KANK2: variants seen among roughly 807,000 people sequenced by gnomAD.
KANK2 encodes KN motif and ankyrin repeat domains 2.
Under a neutral mutation model 74.6 loss-of-function variants are expected in KANK2, and 41 were observed. That is an observed-to-expected ratio of 0.55 (90% confidence interval 0.43 to 0.71). The LOEUF is 0.71. Among genes scored for constraint, KANK2 ranks in the 30% least tolerant of loss-of-function variants. KANK2 has a pLI of 0.00. For synonymous variants in KANK2, 537 were observed against 519.0 expected, an observed-to-expected ratio of 1.03 and a Z score of -0.47; for missense variants, 1,148 against 1,196.4, an observed-to-expected ratio of 0.96 and a Z score of 0.60.
intron 4 of KANK2, among the ~76,000 whole-genome samples, chr19:11,191,771 C>T (rs2078853821): frequency 6.6e-6 from 1 of 152,172 alleles, no homozygotes; most frequent in African/African-American, 2.4e-5. Flanking sequence ...GATATCTGAG[C>T]ACTGAGGCCA....
In KANK2 at chr19:11,176,568, G is replaced by A; in HGVS notation, c.1760+10C>T. The A allele has an allele frequency of 1.3e-6, 2 of 1,566,184 alleles. No individual in the cohort carries two copies. Among genetic ancestry groups the A allele is most frequent in the Non-Finnish European group, 1.7e-6 (2 of 1,152,102 alleles). On this transcript the variant is annotated intron_variant, in intron 7 of 12. Coordinates refer to ENST00000586659, the MANE Select transcript of KANK2 (RefSeq NM_001136191.3). ...GCCCTGCCTGAATCCCTCCTACCCAGAAAACTGACCTGATCTCCTCCTCCG... is the reference window on the plus strand; with the variant it reads ...GCCCTGCCTGAATCCCTCCTACCCAAAAAACTGACCTGATCTCCTCCTCCG...
chr19:11,178,288 G>A, intron 6 of KANK2, 57 bp downstream of exon 6: 1 of 1,167,576 alleles, frequency 8.6e-7, no homozygotes, highest in Non-Finnish European at 1.1e-6. Context: ...CTCGTGCGTG[G>A]ATGAATGGAG....
intron 4 of KANK2, among the ~76,000 whole-genome samples, chr19:11,184,289 T>C (rs1433238266): frequency 6.7e-6 from 1 of 149,858 alleles, no homozygotes; most frequent in African/African-American, 2.5e-5. Context: ...GGCAGGAGAA[T>C]TGCTTGAACC....
chr19:11,179,502 T>TG, intron 4 of KANK2, among the ~76,000 whole-genome samples: 2 of 134,920 alleles, frequency 1.5e-5, no homozygotes, highest in East Asian at 2.3e-4. Context: ...CTGGGCGTGG[T>TG]GGGGGGATGC....
At position 11,174,726 on chromosome 19, in the gene KANK2, G is replaced by A. The variant is rs111707782; in HGVS notation, c.1849-34C>T. The A allele has an allele frequency of 2.8e-5, 43 of 1,524,234 alleles. No homozygotes were observed. The African/African-American group carries it at 3.8e-4, about 14-fold the overall frequency. The allele number at this position is 1,524,234 out of a possible 1,614,324, so 94.4% of individuals were successfully genotyped here. ...GAGTCAGGTGGGAGAGGATGTGAGGGCGGGGGAGGCCCACTGGGACACCCC... is the reference window on the plus strand; with the variant it reads ...GAGTCAGGTGGGAGAGGATGTGAGGACGGGGGAGGCCCACTGGGACACCCC... On this transcript the variant is annotated intron_variant, in intron 8 of 12. Coordinates refer to ENST00000586659, the MANE Select transcript of KANK2 (RefSeq NM_001136191.3).
At chr19:11,187,336 T>C (rs1261161402) in intron 4 of KANK2, among the ~76,000 whole-genome samples, 1 of 150,682 alleles carries the variant, frequency 6.6e-6, no homozygotes, top group African/African-American at 2.4e-5. Flanking sequence ...AGTTCAAAAA[T>C]AGTGTAAGGA....
At chr19:11,195,338 C>G (rs533016519) in intron 2 of KANK2, 15 of 152,310 alleles carry the variant, frequency 9.8e-5, no homozygotes, top group African/African-American at 3.6e-4. Context: ...GAGGGGGCGC[C>G]TGGAGGCTGC....
Position 11,192,338 on chromosome 19 carries a change from TCTC to T in KANK2, c.1249+490_1249+492del, listed in dbSNP as rs573268277. Reference sequence around the variant, plus strand: ...CAGCCCTGAGGGTTGGCTGCACAATTCTCCTCCTTTTGTGGATGATAAGACAGA... The same window carrying T: ...CAGCCCTGAGGGTTGGCTGCACAATTCTCCTTTTGTGGATGATAAGACAGA... On this transcript the variant is annotated intron_variant, in intron 4 of 12. Transcript: ENST00000586659. The T allele has an allele frequency of 3.6e-4, 65 of 180,934 alleles. 2 individuals carry two copies. In the South Asian group the frequency reaches 5.1e-3, roughly 14 times the overall value. 11.2% of individuals were successfully genotyped at this position (180,934 alleles called of 1,614,324 possible).
chr19:11,181,227 T>C (rs1245666181), intron 4 of KANK2, among the ~76,000 whole-genome samples: 1 of 147,392 alleles, frequency 6.8e-6, no homozygotes, highest in Non-Finnish European at 1.5e-5. Context: ...TTCCCTAGAG[T>C]TGTCAAGATT....
At position 11,178,584 on chromosome 19, in the gene KANK2, G is replaced by A. The variant is rs1248625858; in HGVS notation, c.1386C>T (p.Ala462=). 6.2e-7 allele frequency: 1 copy of A among 1,604,788 alleles called. No individual in the cohort carries two copies. Among genetic ancestry groups the A allele is most frequent in the East Asian group, 2.3e-5 (1 of 43,782 alleles). The stretch of plus-strand genomic sequence containing the variant: ...CCCCGGCCTCCTCGGACTCTTGGGA[G>A]GCTGCTTGCCTGGTGGGCTCCCTGT... ...PTHREPTRQA[A]SQESEEAGGT... The change falls in exon 5 of 13, where the codon GCC becomes GCT. Residue 462 remains alanine (A), a synonymous_variant. Transcript: ENST00000586659.
chr19:11,174,564 C>T lies in KANK2; in HGVS notation c.1977G>A (p.Val659=), dbSNP rs947567391. The T allele has an allele frequency of 1.9e-6, 3 of 1,613,570 alleles. No individual in the cohort carries two copies. Among genetic ancestry groups the T allele is most frequent in the Non-Finnish European group, 2.5e-6 (3 of 1,179,868 alleles). The change falls in exon 9 of 13, where the codon GTG becomes GTA. Residue 659 remains valine, a synonymous_variant. Coordinates refer to ENST00000586659, the MANE Select transcript of KANK2 (RefSeq NM_001136191.3). ...TGCCGTTGCTGTCGGCGATGTTGAC[C>T]ACGTAGTCCAGCAGCCGCGCAGACA... is the stretch of plus-strand genomic sequence containing the variant. ...RAMSARLLDY[V]VNIADSNGNT... is the part of the protein sequence containing the mutation.
intron 4 of KANK2, among the ~76,000 whole-genome samples, chr19:11,186,166 TCA>T (rs2078668969): frequency 1.3e-5 from 2 of 152,032 alleles, no homozygotes. Context: ...GGCGGGTGGA[TCA>T]CCTAAGGATG....
intron 4 of KANK2, among the ~76,000 whole-genome samples, chr19:11,181,431 G>C (rs1351247131): frequency 1.3e-5 from 2 of 151,844 alleles, no homozygotes; most frequent in African/African-American, 2.4e-5. Flanking sequence ...ATTTTTACTA[G>C]AGACAAGGTT....
Position 11,165,164 on chromosome 19 carries a change from C to T in KANK2, c.*1394G>A, listed in dbSNP as rs2077996698. ...GAGTGTCTCTGGCAAGCCCCGTTTC[C>T]CGCAGGCTCTGTTCCAGGCAGCTCC... is the stretch of plus-strand genomic sequence containing the variant. On this transcript the variant is annotated 3_prime_UTR_variant, in exon 13 of 13. Transcript: ENST00000586659. The T allele has an allele frequency of 6.6e-6, 1 of 152,114 alleles. No homozygotes were observed. The highest frequency in any genetic ancestry group is 1.5e-5 in the Non-Finnish European group (1 of 68,022). 9.4% of individuals were successfully genotyped at this position (152,114 alleles called of 1,614,324 possible).
intron 4 of KANK2, among the ~76,000 whole-genome samples, chr19:11,183,195 CA>C (rs1424233223): frequency 2.6e-5 from 4 of 152,156 alleles, no homozygotes; most frequent in Non-Finnish European, 5.9e-5. Context: ...ATGAGAACAG[CA>C]GGGCATTTTT....
At position 11,176,610 on chromosome 19, in the gene KANK2, C is replaced by T. The variant is rs534783163; in HGVS notation, c.1728G>A (p.Gly576=). The T allele has an allele frequency of 4.4e-6, 7 of 1,606,776 alleles. No individual in the cohort carries two copies. In the South Asian group the frequency reaches 7.8e-5, roughly 18 times the overall value. The part of the protein sequence containing the change: ...RESQHIPTAE[G]ASGSNTEEEI... The stretch of plus-strand genomic sequence containing the variant: ...CCTCCTCCGTGTTTGATCCTGATGC[C>T]CCCTCAGCAGTGGGTATGTGCTGAG... The change falls in exon 7 of 13, where the codon GGG becomes GGA. Residue 576 remains glycine (G), a synonymous_variant. Transcript: ENST00000586659.
intron 10 of KANK2, among the ~76,000 whole-genome samples, chr19:11,171,063 G>T (rs867793152): frequency 9.9e-5 from 15 of 152,062 alleles, no homozygotes; most frequent in South Asian, 8.3e-4. Context: ...CTCGTGATCC[G>T]CCCGCCTAGG....
rs1723654183 is a variant in KANK2, at chr19:11,165,811, C to T, written c.*747G>A. 6.6e-6 allele frequency: 1 copy of T among 152,250 alleles called. No homozygotes were observed. The highest frequency in any genetic ancestry group is 6.6e-5 in the Admixed American group (1 of 15,262). The allele number at this position is 152,250 out of a possible 1,614,324, so 9.4% of individuals were successfully genotyped here. ...CAAGCTCAAGCTCTTGCCTTGCCCTCCCAAAGTGCTGGGATTACAGACGTG... is the reference window on the plus strand; with the variant it reads ...CAAGCTCAAGCTCTTGCCTTGCCCTTCCAAAGTGCTGGGATTACAGACGTG... On this transcript the variant is annotated 3_prime_UTR_variant, in exon 13 of 13. Coordinates refer to ENST00000586659, the MANE Select transcript of KANK2 (RefSeq NM_001136191.3).
intron 4 of KANK2, among the ~76,000 whole-genome samples, chr19:11,191,468 C>T (rs2078843126): frequency 6.6e-6 from 1 of 152,232 alleles, no homozygotes; most frequent in South Asian, 2.1e-4. Flanking sequence ...CTGGGAAGCA[C>T]CCCCTTCCTC....
Sources: gnomAD v4.1 joint callset for allele counts (sites outside exome capture counted in the v4.1 genomes callset) on GRCh38, gnomAD v4.1.1 for gene constraint, MANE v1.5 for transcripts, NCBI Gene and HGNC (gene_info 2026-07-23, HGNC 2026-07-21) for gene names.